Variants in MAGI2 observed in about 807,000 individuals in gnomAD.
The protein encoded by MAGI2 is membrane-associated guanylate kinase, WW and PDZ domain-containing protein 2.
MAGI2 carries 35 observed loss-of-function variants against 133.3 expected under a neutral mutation model. The ratio of observed to expected loss-of-function variants is 0.26; its 90% CI spans 0.20 to 0.35. MAGI2 has a LOEUF of 0.35. Ranked by LOEUF, MAGI2 falls within the 10% of genes least tolerant of loss-of-function variation. MAGI2 has a pLI of 1.00. For synonymous variants in MAGI2, 729 were observed against 710.6 expected (o/e 1.03, Z -0.41); for missense variants, 1,636 against 1,863.4 (o/e 0.88, Z 2.25).
intron 1 of MAGI2, among the ~76,000 whole-genome samples, chr7:79,188,461 C>T (rs1467025728): frequency 3.3e-5 from 5 of 151,772 alleles, no homozygotes; most frequent in Non-Finnish European, 7.4e-5. Flanking sequence ...TGATCTCATT[C>T]CTTTTTATGG....
At chr7:79,355,038 G>C (rs908760053) in intron 1 of MAGI2, among the ~76,000 whole-genome samples, 3 of 152,182 alleles carry the variant, frequency 2.0e-5, no homozygotes, top group African/African-American at 7.2e-5. Context: ...ACATGCCAGA[G>C]TCTTGCCCTT....
chr7:78,920,625 G>A (rs919207885), intron 2 of MAGI2, among the ~76,000 whole-genome samples: 1 of 152,056 alleles, frequency 6.6e-6, no homozygotes, highest in Admixed American at 6.6e-5. Flanking sequence ...GTCTGGTTTA[G>A]TTCTACATTC....
intron 9 of MAGI2, among the ~76,000 whole-genome samples, chr7:78,330,343 C>G (rs1181605561): frequency 2.7e-5 from 1 of 36,930 alleles, no homozygotes; most frequent in East Asian, 3.5e-4. Flanking sequence ...CACGGCCGGG[C>G]GCGGTGGCTC....
chr7:78,948,033 C>A (rs1001183491), intron 2 of MAGI2, among the ~76,000 whole-genome samples: 2 of 151,960 alleles, frequency 1.3e-5, no homozygotes, highest in East Asian at 3.9e-4. Context: ...TAAAATGGGA[C>A]GTTGAAGATA....
intron 9 of MAGI2, among the ~76,000 whole-genome samples, chr7:78,335,995 G>A (rs556536922): frequency 8.5e-5 from 13 of 152,116 alleles, no homozygotes; most frequent in South Asian, 2.1e-4. Flanking sequence ...TGTCTAAACC[G>A]TTAAATCAAG....
At chr7:79,058,870 C>T (rs1813432143) in intron 1 of MAGI2, among the ~76,000 whole-genome samples, 1 of 152,042 alleles carries the variant, frequency 6.6e-6, no homozygotes, top group African/African-American at 2.4e-5. Context: ...ATTACTTTTC[C>T]TCTCTAATCT....
chr7:78,958,736 C>A lies in MAGI2; in HGVS notation c.418+48354G>T, dbSNP rs201239804. 2.0e-3 allele frequency among the ~76,000 whole-genome samples: 311 copies of A among 152,118 alleles called. 1 individual carries two copies. Among genetic ancestry groups the A allele is most frequent in the African/African-American group, 7.1e-3 (293 of 41,514 alleles). ...GGGGTGAAGCCGTTCTACCTGGAGG[C>A]CCTAGTGTACCAGAAATGGCTTCCA... On this transcript the variant is annotated intron_variant, in intron 2 of 21. Transcript: ENST00000354212.
chr7:79,034,096 G>A (rs1246657827), intron 1 of MAGI2, among the ~76,000 whole-genome samples: 2 of 152,042 alleles, frequency 1.3e-5, no homozygotes, highest in South Asian at 2.1e-4. Flanking sequence ...TTCCATCTAC[G>A]CTAAATAGAA....
intron 6 of MAGI2, among the ~76,000 whole-genome samples, chr7:78,473,077 A>C (rs1791390255): frequency 6.6e-6 from 1 of 152,112 alleles, no homozygotes; most frequent in African/African-American, 2.4e-5. Flanking sequence ...CAAAGTGCTC[A>C]TTAAGATAAC....
At chr7:78,417,577 A>G in intron 6 of MAGI2, among the ~76,000 whole-genome samples, 1 of 152,160 alleles carries the variant, frequency 6.6e-6, no homozygotes. Context: ...GTTATTTGAG[A>G]GCAAAAACTA....
chr7:78,829,864 G>A (rs944319042), intron 2 of MAGI2, among the ~76,000 whole-genome samples: 1 of 151,858 alleles, frequency 6.6e-6, no homozygotes. Context: ...GTGTTAACTG[G>A]GCTATGTCTC....
intron 15 of MAGI2, among the ~76,000 whole-genome samples, chr7:78,166,686 C>T (rs73134369): frequency 0.077 from 11,770 of 152,214 alleles, 664 homozygotes; most frequent in Non-Finnish European, 0.12. Flanking sequence ...ATCCTCTCTA[C>T]TAGTCATTCA....
chr7:78,628,932 GA>G (rs928337717), intron 2 of MAGI2, among the ~76,000 whole-genome samples: 1 of 151,318 alleles, frequency 6.6e-6, no homozygotes, highest in African/African-American at 2.4e-5. Context: ...CAATCATTAA[GA>G]AAAAAATCAC....
At position 78,072,335 on chromosome 7, in the gene MAGI2, T is replaced by C. The variant is rs576801730; in HGVS notation, c.3706+6612A>G. Among the ~76,000 whole-genome samples, 5 of 152,306 alleles carry C rather than the reference T, an allele frequency of 3.3e-5. No homozygotes were observed. In the East Asian group the frequency reaches 9.6e-4, roughly 29 times the overall value. ...TAATTAATAAAACCCATTTAAATGTTTTTCATGAGAGCAGATCCTTTGAGA... is the reference window on the plus strand; with the variant it reads ...TAATTAATAAAACCCATTTAAATGTCTTTCATGAGAGCAGATCCTTTGAGA... On this transcript the variant is annotated intron_variant, in intron 21 of 21. Transcript: ENST00000354212.
chr7:78,854,312 T>C (rs984883504), intron 2 of MAGI2, among the ~76,000 whole-genome samples: 1 of 152,114 alleles, frequency 6.6e-6, no homozygotes, highest in African/African-American at 2.4e-5. Context: ...AATATTAAGA[T>C]ATTAACAATG....
chr7:79,294,394 A>T (rs539606926), intron 1 of MAGI2, among the ~76,000 whole-genome samples: 1 of 151,900 alleles, frequency 6.6e-6, no homozygotes, highest in Non-Finnish European at 1.5e-5. Context: ...GGTTCCCATT[A>T]ACAGGCCCCC....
At chr7:78,456,510 T>C (rs574144845) in intron 6 of MAGI2, among the ~76,000 whole-genome samples, 4 of 152,262 alleles carry the variant, frequency 2.6e-5, no homozygotes, top group South Asian at 4.1e-4. Flanking sequence ...ATTGTGAAAA[T>C]TGACATTACT....
intron 2 of MAGI2, among the ~76,000 whole-genome samples, chr7:78,671,011 T>G (rs1814317556): frequency 6.6e-6 from 1 of 152,116 alleles, no homozygotes; most frequent in Non-Finnish European, 1.5e-5. Flanking sequence ...TCTAATACAA[T>G]TTAACATTGA....
intron 20 of MAGI2, among the ~76,000 whole-genome samples, chr7:78,121,000 CAA>C (rs67572219): frequency 4.0e-5 from 3 of 75,192 alleles, no homozygotes; most frequent in Non-Finnish European, 7.2e-5. Context: ...GACTCCGTCT[CAA>C]AAAAAAAAAA....
Sources: allele counts gnomAD v4.1 joint callset (sites outside exome capture counted in the v4.1 genomes callset), GRCh38; gene constraint gnomAD v4.1.1; transcripts MANE v1.5; gene names NCBI Gene and HGNC (gene_info 2026-07-23, HGNC 2026-07-21).